PARP14: variants seen among roughly 807,000 people sequenced by gnomAD.
The protein encoded by PARP14 is poly(ADP-ribose) polymerase family member 14.
Under a neutral mutation model 154.2 loss-of-function variants are expected in PARP14, and 59 were observed. That is an observed-to-expected ratio of 0.38 (90% CI 0.31 to 0.48). The LOEUF is 0.48. Among genes scored for constraint, PARP14 ranks in the 20% least tolerant of loss-of-function variants. PARP14 has a pLI of 0.98. For missense variants in PARP14, 1,734 were observed against 2,131.6 expected (o/e 0.81, Z 3.67); for synonymous variants, 720 against 780.5 (o/e 0.92, Z 1.29).
At chr3:122,711,320 C>A (rs1021338654) in intron 9 of PARP14, among the ~76,000 whole-genome samples, 1 of 152,048 alleles carries the variant, frequency 6.6e-6, no homozygotes, top group African/African-American at 2.4e-5. Context: ...TTATCAGATG[C>A]TTTTTCTGCA....
chr3:122,690,585 C>T (rs1938507216), intron 3 of PARP14, among the ~76,000 whole-genome samples: 1 of 152,152 alleles, frequency 6.6e-6, no homozygotes, highest in South Asian at 2.1e-4. Context: ...AATCTCGGCT[C>T]ACTGCAACCT....
chr3:122,701,670 C>T lies in PARP14; in HGVS notation c.3081+35C>T. 1 of 1,444,206 alleles carries T rather than the reference C, an allele frequency of 6.9e-7. No individual in the cohort carries two copies. The highest frequency in any genetic ancestry group is 9.3e-7 in the Non-Finnish European group (1 of 1,070,974). 89.5% of individuals were successfully genotyped at this position (1,444,206 alleles called of 1,614,324 possible). On this transcript the variant is annotated intron_variant, in intron 6 of 16. Coordinates refer to ENST00000474629, the MANE Select transcript of PARP14 (RefSeq NM_017554.3). This position sits in a 1 kb window ranked among gnomAD's most constrained non-coding sequence, Gnocchi z 4.0. ...GCTTTTACAGAACACCACCAGGGCACTGTGACTTTACTTAGTCAGTGGCTC... is the reference window on the plus strand; with the variant it reads ...GCTTTTACAGAACACCACCAGGGCATTGTGACTTTACTTAGTCAGTGGCTC...
Position 122,729,135 on chromosome 3 carries a change from A to C in PARP14, c.*538A>C, listed in dbSNP as rs143778391. The C allele has an allele frequency of 1.3e-5, 2 of 152,920 alleles. No individual in the cohort carries two copies. Among genetic ancestry groups the C allele is most frequent in the African/African-American group, 2.4e-5 (1 of 41,584 alleles). The allele number at this position is 152,920 out of a possible 1,614,324, so 9.5% of individuals were successfully genotyped here. A position where few individuals can be genotyped will look rare whatever the true frequency, so the allele number is the denominator to read the frequency against. On this transcript the variant is annotated 3_prime_UTR_variant, in exon 17 of 17. Transcript: ENST00000474629. ...GACAAACCAACGAAGAATGAAAAAA[A>C]GCCTAGTCAGACTCCCATCCAAAGT...
In PARP14 at chr3:122,681,244, G is replaced by T. The variant is rs961915810; in HGVS notation, c.187+174G>T. On this transcript the variant is annotated intron_variant, in intron 1 of 16. Coordinates refer to ENST00000474629, the MANE Select transcript of PARP14 (RefSeq NM_017554.3). This position sits in a 1 kb window ranked among gnomAD's most constrained non-coding sequence, Gnocchi z 5.5. The stretch of plus-strand genomic sequence containing the variant: ...GCAGAATGGATTCCGAGCGCACCCG[G>T]GGCGCTGCGGTTCCCCGGCGCCCTG... Among the ~76,000 whole-genome samples the T allele has an allele frequency of 1.3e-5, 2 of 151,692 alleles. No individual in the cohort carries two copies. Among genetic ancestry groups the T allele is most frequent in the East Asian group, 3.9e-4 (2 of 5,068 alleles).
chr3:122,693,454 C>A (rs1938602432), intron 4 of PARP14, among the ~76,000 whole-genome samples: 1 of 152,196 alleles, frequency 6.6e-6, no homozygotes, highest in Admixed American at 6.5e-5. Flanking sequence ...ATTATCCTCC[C>A]TATGCCTCAC....
chr3:122,700,476 C>A lies in PARP14; in HGVS notation c.1922C>A (p.Thr641Asn), dbSNP rs1180427107. 6.2e-7 allele frequency: 1 copy of A among 1,612,430 alleles called. No individual in the cohort carries two copies. Among genetic ancestry groups the A allele is most frequent in the South Asian group, 1.1e-5 (1 of 90,776 alleles). The change falls in exon 6 of 17, where the codon ACC (threonine) becomes AAC (asparagine). Residue 641 changes from threonine (T) to asparagine (N), a missense_variant. This residue lies in a region of PARP14 where 1,646 missense variants were observed against 1,976.0 expected (regional missense o/e 0.83). Transcript: ENST00000474629. ...TVIINELTSE[T>N]TAEVIITGCV... Reference sequence around the variant, plus strand: ...ATCATCAATGAGTTAACTTCAGAAACCACAGCTGAAGTCATCATTACAGGC... The same window carrying A: ...ATCATCAATGAGTTAACTTCAGAAAACACAGCTGAAGTCATCATTACAGGC...
chr3:122,725,825 T>C (rs921065618), intron 15 of PARP14, among the ~76,000 whole-genome samples: 6 of 152,208 alleles, frequency 3.9e-5, no homozygotes, highest in African/African-American at 1.4e-4. Flanking sequence ...TATTAATCTC[T>C]GTTTTCTATT....
At chr3:122,686,448 C>A (rs1938375763) in intron 2 of PARP14, among the ~76,000 whole-genome samples, 1 of 148,612 alleles carries the variant, frequency 6.7e-6, no homozygotes, top group East Asian at 2.1e-4. Context: ...AGCCACCACA[C>A]CCGTCCTTAA....
At chr3:122,715,579 ATCTC>A (rs1270847402) in intron 12 of PARP14, among the ~76,000 whole-genome samples, 3 of 151,368 alleles carry the variant, frequency 2.0e-5, no homozygotes, top group South Asian at 2.1e-4. Context: ...CATTTCTCCT[ATCTC>A]TCTCTACCAG....
intron 7 of PARP14, 87 bp from the exon 8 acceptor site, chr3:122,704,439 AG>A: frequency 1.3e-6 from 1 of 757,150 alleles, no homozygotes; most frequent in South Asian, 1.8e-5. Flanking sequence ...GGAGTATTCA[AG>A]TTCACAAAGT....
At chr3:122,691,022 G>A (rs1368697189) in intron 3 of PARP14, among the ~76,000 whole-genome samples, 1 of 152,168 alleles carries the variant, frequency 6.6e-6, no homozygotes, top group African/African-American at 2.4e-5. Context: ...AGGCCTGAAG[G>A]TGGAATTCAC....
At chr3:122,693,700 G>A (rs1024994738) in intron 4 of PARP14, among the ~76,000 whole-genome samples, 5 of 151,948 alleles carry the variant, frequency 3.3e-5, no homozygotes, top group Non-Finnish European at 7.4e-5. Context: ...AATTAGCCAG[G>A]CATGGTGGCG....
chr3:122,695,244 C>T (rs188370635), intron 4 of PARP14, among the ~76,000 whole-genome samples, 182 bp from the exon 5 acceptor site: 1 of 152,172 alleles, frequency 6.6e-6, no homozygotes, highest in African/African-American at 2.4e-5. Context: ...GTGTGTGTGT[C>T]GCCCAGCGAC....
intron 15 of PARP14, among the ~76,000 whole-genome samples, chr3:122,725,228 C>T (rs965130242): frequency 1.6e-4 from 24 of 152,140 alleles, no homozygotes; most frequent in Middle Eastern, 3.4e-3. Context: ...CCATACGGGG[C>T]GGTTGGGCAG....
chr3:122,704,736 T>G lies in PARP14; in HGVS notation c.3528T>G (p.His1176Gln). The stretch of plus-strand genomic sequence containing the variant: ...ACTTTCTGCTGCACCCGAGTGATCA[T>G]GAAAATATTCAGGTACAGTGCCACT... ...EVHFLLHPSD[H>Q]ENIQAFSDEF... Residue 1176 changes from histidine (H) to glutamine (Q), a missense_variant, in exon 8 of 17, where the codon CAT becomes CAG. Physicochemically the swap from His to Gln is conservative, Grantham distance 24 (BLOSUM62 0). Around this residue, in one of 2 missense-constraint regions of PARP14, gnomAD observed 1,646 missense variants for 1,976.0 expected, o/e 0.83. Coordinates refer to ENST00000474629, the MANE Select transcript of PARP14 (RefSeq NM_017554.3). 1.3e-6 allele frequency: 2 copies of G among 1,591,804 alleles called. No homozygotes were observed. Among genetic ancestry groups the G allele is most frequent in the Non-Finnish European group, 8.6e-7 (1 of 1,165,862 alleles).
At position 122,703,819 on chromosome 3, in the gene PARP14, A is replaced by G; in HGVS notation, c.3159A>G (p.Lys1053=). The change falls in exon 7 of 17, where the codon AAA becomes AAG. Residue 1053 remains lysine, a synonymous_variant. Transcript: ENST00000474629. ...RGPLSKSLLE[K]AGPELQEELD... is the part of the protein sequence containing the mutation. ...CTCTTTCTAAGTCCCTCTTGGAAAA[A>G]GCTGGACCAGAGCTCCAGGAGGAAT... 3 of 1,613,872 alleles carry G rather than the reference A, an allele frequency of 1.9e-6. No individual in the cohort carries two copies. The highest frequency in any genetic ancestry group is 8.5e-7 in the Non-Finnish European group (1 of 1,179,810).
rs1939085817 is a variant in PARP14, at chr3:122,704,478, A to T, written c.3319-49A>T. 3.4e-6 allele frequency: 4 copies of T among 1,191,214 alleles called. 1 individual carries two copies. In the South Asian group the frequency reaches 4.1e-5, roughly 12 times the overall value. 73.8% of individuals were successfully genotyped at this position (1,191,214 alleles called of 1,614,324 possible). A position where few individuals can be genotyped will look rare whatever the true frequency, so the allele number is the denominator to read the frequency against. On this transcript the variant is annotated intron_variant, in intron 7 of 16. Coordinates refer to ENST00000474629, the MANE Select transcript of PARP14 (RefSeq NM_017554.3). Reference sequence around the variant, plus strand: ...CTAAATTCTTGTCCTTTTTGTTCTAACTCCCATTTCTAGACAAGATGTATA... The same window carrying T: ...CTAAATTCTTGTCCTTTTTGTTCTATCTCCCATTTCTAGACAAGATGTATA...
At chr3:122,697,698 T>C (rs1241014164) in intron 5 of PARP14, among the ~76,000 whole-genome samples, 1 of 152,250 alleles carries the variant, frequency 6.6e-6, no homozygotes, top group Non-Finnish European at 1.5e-5. Flanking sequence ...CTTCACAAAA[T>C]CTGTTTTATT....
chr3:122,708,391 AGTTAT>A (rs1183549810), intron 9 of PARP14, 123 bp downstream of exon 9: 2 of 631,344 alleles, frequency 3.2e-6, no homozygotes, highest in African/African-American at 3.7e-5. Context: ...AATGATACTA[AGTTAT>A]GTTTCATATA....
Sources: gnomAD v4.1 joint callset for allele counts (sites outside exome capture counted in the v4.1 genomes callset) on GRCh38, gnomAD v4.1.1 for gene constraint, gnomAD v4.1.1 regional missense constraint, Gnocchi (gnomAD v3.1) non-coding constraint, MANE v1.5 for transcripts, NCBI Gene and HGNC (gene_info 2026-07-23, HGNC 2026-07-21) for gene names.